KCNAB2: variants seen among roughly 807,000 people sequenced by gnomAD.
KCNAB2 encodes the protein potassium voltage-gated channel subfamily A regulatory beta subunit 2, also known as voltage-gated potassium channel subunit beta-2.
In KCNAB2, 29 loss-of-function variants were observed where a neutral mutation model predicts 63.6. The ratio of observed to expected loss-of-function variants is 0.46; its 90% CI spans 0.34 to 0.62. The LOEUF (loss-of-function observed/expected upper bound fraction) is 0.62, where lower values mean the gene tolerates loss of function less well. Among genes scored for constraint, KCNAB2 ranks in the 20% least tolerant of loss-of-function variants. The pLI is 0.01. For missense variants in KCNAB2, 359 were observed against 563.9 expected (o/e 0.64, Z 3.68); for synonymous variants, 222 against 224.2 (o/e 0.99, Z 0.09).
chr1:6,073,015 G>A lies in KCNAB2; in HGVS notation c.262+217G>A, dbSNP rs1037783125. Among the ~76,000 whole-genome samples the A allele has an allele frequency of 2.0e-5, 3 of 152,094 alleles. No homozygotes were observed. The highest frequency in any genetic ancestry group is 7.2e-5 in the African/African-American group (3 of 41,402). On this transcript the variant is annotated intron_variant, in intron 3 of 15. Transcript: ENST00000378083. This position sits in a 1 kb window ranked among gnomAD's most constrained non-coding sequence, Gnocchi z 5.7. ...GCTGGGATAGAGGGAGAGAGACACA[G>A]TCTCAGCAGAGGAGGTGAGGCGGAT...
rs759914744 is a variant in KCNAB2 at position 6,095,364 on chromosome 1, C to G, written c.774C>G (p.Pro258=). 6.2e-7 allele frequency: 1 copy of G among 1,613,030 alleles called. No individual in the cohort carries two copies. Among genetic ancestry groups the G allele is most frequent in the Non-Finnish European group, 8.5e-7 (1 of 1,180,008 alleles). ...SVARQFNLTP[P]ICEQAEYHMF... ...CCCGGCAGTTCAACCTGACCCCGCC[C>G]ATCTGCGAGCAGGCTGAGTACCACA... Residue 258 remains proline, a synonymous_variant, in exon 12 of 16, where the codon CCC becomes CCG. Coordinates refer to ENST00000378083, the MANE Select transcript of KCNAB2 (RefSeq NM_001199862.2).
At chr1:6,059,268 G>A (rs1054468217) in intron 2 of KCNAB2, among the ~76,000 whole-genome samples, 2 of 152,152 alleles carry the variant, frequency 1.3e-5, no homozygotes, top group African/African-American at 4.8e-5. Context: ...ATAGCTCACT[G>A]CAGCCTCAGC....
Position 6,099,893 on chromosome 1 carries a change from G to A in KCNAB2, c.*1319G>A. 1 of 1,550,344 alleles carries A rather than the reference G, an allele frequency of 6.5e-7. No homozygotes were observed. Among genetic ancestry groups the A allele is most frequent in the South Asian group, 1.2e-5 (1 of 84,052 alleles). On this transcript the variant is annotated 3_prime_UTR_variant, in exon 16 of 16. Transcript: ENST00000378083. ...CAGCTTGGGCCGGAGGGCAAGGGAT[G>A]CCAGTAAGTCTGCAGGTGCGGGGTG...
At chr1:6,051,819 A>G (rs1661422476) in intron 2 of KCNAB2, 65 bp downstream of exon 2, 2 of 1,471,762 alleles carry the variant, frequency 1.4e-6, no homozygotes, top group Non-Finnish European at 1.8e-6. Flanking sequence ...ATATGTATAA[A>G]AGGGCTGGGC....
chr1:6,018,633 A>G (rs1166068066), intron 1 of KCNAB2: 2 of 152,220 alleles, frequency 1.3e-5, no homozygotes, highest in African/African-American at 2.4e-5. Flanking sequence ...ATTTTGGGAT[A>G]GAGGCCTCAC....
intron 2 of KCNAB2, among the ~76,000 whole-genome samples, chr1:6,052,520 G>A (rs1661478800): frequency 6.6e-6 from 1 of 152,100 alleles, no homozygotes; most frequent in African/African-American, 2.4e-5. Flanking sequence ...GGGTGTTGGA[G>A]ACCCCTGCTC....
At position 6,073,624 on chromosome 1, in the gene KCNAB2, G is replaced by A; in HGVS notation, c.263-109G>A. ...CACCCTGGCCACAGAGCAGCACAGA[G>A]GGACACCTGTGGCTGCCCCCTGTGC... On this transcript the variant is annotated intron_variant, in intron 3 of 15. Transcript: ENST00000378083. This position sits in a 1 kb window ranked among gnomAD's most constrained non-coding sequence, Gnocchi z 5.7. The A allele has an allele frequency of 9.1e-6, 9 of 989,290 alleles. No homozygotes were observed. Among genetic ancestry groups the A allele is most frequent in the Non-Finnish European group, 1.3e-5 (8 of 614,432 alleles). The allele number at this position is 989,290 out of a possible 1,614,324, so 61.3% of individuals were successfully genotyped here.
At chr1:5,996,176 G>C (rs1203481872) in intron 1 of KCNAB2, 1 of 152,490 alleles carries the variant, frequency 6.6e-6, no homozygotes. Flanking sequence ...GAGCACACTG[G>C]GGGAGATGGG....
intron 1 of KCNAB2, among the ~76,000 whole-genome samples, chr1:6,025,536 G>C (rs964458923): frequency 5.3e-5 from 8 of 152,312 alleles, no homozygotes; most frequent in South Asian, 2.1e-4. Context: ...CGCGGGGAGG[G>C]AGAAAAACCC....
Position 6,073,663 on chromosome 1 carries a change from G to A in KCNAB2, c.263-70G>A, listed in dbSNP as rs1250037015. 1 of 1,489,374 alleles carries A rather than the reference G, an allele frequency of 6.7e-7. No individual in the cohort carries two copies. The highest frequency in any genetic ancestry group is 9.4e-7 in the Non-Finnish European group (1 of 1,066,734). The allele number at this position is 1,489,374 out of a possible 1,614,324, so 92.3% of individuals were successfully genotyped here. ...TGCCCCCTGTGCCCTACAGCCTGAG[G>A]TCTGAGCACCGACGGGATAATCTGG... On this transcript the variant is annotated intron_variant, in intron 3 of 15. Transcript: ENST00000378083. The surrounding 1 kb of genome is among the most constrained non-coding windows in gnomAD (Gnocchi z 5.7).
At chr1:6,095,745 T>C in intron 13 of KCNAB2, 121 bp downstream of exon 13, 1 of 909,738 alleles carries the variant, frequency 1.1e-6, no homozygotes. Flanking sequence ...TGTTCCCACC[T>C]CGGTCTGCTG....
intron 1 of KCNAB2, among the ~76,000 whole-genome samples, chr1:6,015,851 T>C (rs1256585493): frequency 6.6e-6 from 1 of 152,062 alleles, no homozygotes; most frequent in Non-Finnish European, 1.5e-5. Context: ...ACCACAGGCA[T>C]GCGCCACCAC....
chr1:6,031,912 G>A (rs116541576), upstream of KCNAB2, among the ~76,000 whole-genome samples: 2,505 of 152,090 alleles, frequency 0.016, 38 homozygotes, highest in Non-Finnish European at 0.021. The surrounding 1 kb of genome is among the most constrained non-coding windows in gnomAD (Gnocchi z 4.1). Flanking sequence ...AAGAGAGAGG[G>A]GCATGGGGCA....
At chr1:5,999,783 T>C (rs1402968559) in intron 1 of KCNAB2, among the ~76,000 whole-genome samples, 1 of 152,062 alleles carries the variant, frequency 6.6e-6, no homozygotes, top group Non-Finnish European at 1.5e-5. Context: ...GCCTGTGCCC[T>C]GATTGTACCC....
intron 1 of KCNAB2, among the ~76,000 whole-genome samples, chr1:6,005,692 G>A (rs998429867): frequency 1.3e-5 from 2 of 151,962 alleles, no homozygotes; most frequent in African/African-American, 2.4e-5. Flanking sequence ...GCCCAGGTCT[G>A]TCTTTTCCCA....
Position 6,088,539 on chromosome 1 carries a change from C to T in KCNAB2, c.471-469C>T, listed in dbSNP as rs183080754. ...CTAGGATTGCAGGCGTGAGCCACCACGCCTGGCATTAATTTGTCCTTTTTT... is the reference window on the plus strand; with the variant it reads ...CTAGGATTGCAGGCGTGAGCCACCATGCCTGGCATTAATTTGTCCTTTTTT... On this transcript the variant is annotated intron_variant, in intron 7 of 15. Coordinates refer to ENST00000378083, the MANE Select transcript of KCNAB2 (RefSeq NM_001199862.2). Among the ~76,000 whole-genome samples the T allele has an allele frequency of 2.5e-3, 380 of 151,630 alleles. 1 individual carries two copies. Among genetic ancestry groups the T allele is most frequent in the African/African-American group, 8.6e-3 (357 of 41,364 alleles).
At chr1:6,014,302 G>A (rs1349558256) in intron 1 of KCNAB2, among the ~76,000 whole-genome samples, 1 of 152,174 alleles carries the variant, frequency 6.6e-6, no homozygotes, top group South Asian at 2.1e-4. Context: ...CTTGGTGTCC[G>A]CAAGAATGAG....
intron 2 of KCNAB2, among the ~76,000 whole-genome samples, chr1:6,064,306 A>G (rs1412764273): frequency 6.6e-6 from 1 of 152,178 alleles, no homozygotes; most frequent in Non-Finnish European, 1.5e-5. Flanking sequence ...CAGATGTTGA[A>G]CAGCCCTGTC....
Position 6,071,444 on chromosome 1 carries a change from C to T in KCNAB2, c.219-1311C>T, listed in dbSNP as rs1341886916. On this transcript the variant is annotated intron_variant, in intron 2 of 15. Coordinates refer to ENST00000378083, the MANE Select transcript of KCNAB2 (RefSeq NM_001199862.2). The surrounding 1 kb of genome is among the most constrained non-coding windows in gnomAD (Gnocchi z 8.5). The stretch of plus-strand genomic sequence containing the variant: ...AAGGCCTGGCTGCAGCTGTGAGATC[C>T]ACCCGGCCACTTGTCAACCTCACCA... Among the ~76,000 whole-genome samples the T allele has an allele frequency of 6.6e-6, 1 of 152,194 alleles. No individual in the cohort carries two copies. The highest frequency in any genetic ancestry group is 1.5e-5 in the Non-Finnish European group (1 of 68,016).
Sources: allele counts gnomAD v4.1 joint callset (sites outside exome capture counted in the v4.1 genomes callset), GRCh38; gene constraint gnomAD v4.1.1; non-coding constraint Gnocchi (gnomAD v3.1); transcripts MANE v1.5; gene names NCBI Gene and HGNC (gene_info 2026-07-23, HGNC 2026-07-21).